Variants in BSN observed in about 807,000 individuals in gnomAD.
BSN encodes bassoon presynaptic cytomatrix protein.
BSN carries 57 observed loss-of-function variants against 264.8 expected under a neutral mutation model. The ratio of observed to expected loss-of-function variants is 0.22; its 90% CI spans 0.17 to 0.27. The LOEUF is 0.27. BSN is among the 10% of genes least tolerant of loss of function. The probability of loss-of-function intolerance (pLI) is 1.00; values close to 1 mark genes in which losing one functional copy is unlikely to be tolerated. For synonymous variants in BSN, 2,059 were observed against 2,137.3 expected (o/e 0.96, Z 1.01); for missense variants, 4,615 against 5,232.5 (o/e 0.88, Z 3.64).
At position 49,662,331 on chromosome 3, in the gene BSN, C is replaced by A. The variant is rs1159995514; in HGVS notation, c.10486C>A (p.Pro3496Thr). 1.4e-5 allele frequency: 22 copies of A among 1,613,524 alleles called. No individual in the cohort carries two copies. Among genetic ancestry groups the A allele is most frequent in the Non-Finnish European group, 1.8e-5 (21 of 1,179,822 alleles). Residue 3496 changes from proline to threonine, a missense_variant, in exon 6 of 12, where the codon CCC becomes ACC. By Grantham distance (38) the Pro-to-Thr change is conservative. Around this residue, in one of 3 missense-constraint regions of BSN, gnomAD observed 3,415 missense variants for 3,866.4 expected, o/e 0.88. Coordinates refer to ENST00000296452, the MANE Select transcript of BSN (RefSeq NM_003458.4). ...LSMAHSRVRPPMRSQASEEES... is the reference protein window; with the variant it reads ...LSMAHSRVRPTMRSQASEEES... ...TATGGCCCACAGCCGGGTACGACCC[C>A]CCATGCGGAGCCAGGCCTCTGAAGA...
At chr3:49,595,402 T>C (rs2052014868) in intron 1 of BSN, among the ~76,000 whole-genome samples, 1 of 150,314 alleles carries the variant, frequency 6.7e-6, no homozygotes, top group African/African-American at 2.5e-5. Flanking sequence ...ATGTTGAGGC[T>C]GGTCTTGAAC....
chr3:49,657,355 G>T lies in BSN; in HGVS notation c.7799G>T (p.Arg2600Leu). The T allele has an allele frequency of 6.2e-7, 1 of 1,613,318 alleles. No homozygotes were observed. Among genetic ancestry groups the T allele is most frequent in the Admixed American group, 1.7e-5 (1 of 60,028 alleles). The change falls in exon 5 of 12, where the codon CGG (arginine) becomes CTG (leucine). Residue 2600 changes from arginine to leucine, a missense_variant. By Grantham distance (102) the Arg-to-Leu change is moderately radical. Transcript: ENST00000296452. ...EDGESRYLLS[R>L]RRRARRSADC... The stretch of plus-strand genomic sequence containing the variant: ...GGGGAGAGCCGCTACCTCTTGAGTC[G>T]GCGACGCCGGGCACGGCGGAGTGCT...
In BSN at chr3:49,656,589, G is replaced by T. The variant is rs375950147; in HGVS notation, c.7033G>T (p.Gly2345Cys). 1.3e-6 allele frequency: 2 copies of T among 1,596,380 alleles called. No individual in the cohort carries two copies. Among genetic ancestry groups the T allele is most frequent in the African/African-American group, 2.7e-5 (2 of 74,404 alleles). ...ACCAGCAGATGCTGCTCCTGGGGGT[G>T]GCAGTGGGGCCCTCAGCCGGCCAGG... is the stretch of plus-strand genomic sequence containing the variant. The part of the protein sequence containing the change: ...KPPADAAPGG[G>C]SGALSRPGFE... Residue 2345 changes from glycine (G) to cysteine (C), a missense_variant, in exon 5 of 12, where the codon GGC becomes TGC. Transcript: ENST00000296452.
At chr3:49,630,817 G>A (rs1445354796) in intron 2 of BSN, among the ~76,000 whole-genome samples, 1 of 152,204 alleles carries the variant, frequency 6.6e-6, no homozygotes, top group East Asian at 1.9e-4. Flanking sequence ...AGAAGTGGAA[G>A]AAGGCACAAG....
At chr3:49,672,781 C>CTTTT (rs757536435), downstream of BSN, among the ~76,000 whole-genome samples, 1 of 106,984 alleles carries the variant, frequency 9.3e-6, no homozygotes, top group African/African-American at 3.5e-5. Flanking sequence ...GCGCCTGGCA[C>CTTTT]TTTTTTTTTT....
rs756063489 is a variant in BSN, at chr3:49,657,533, G to A, written c.7977G>A (p.Arg2659=). The change falls in exon 5 of 12, where the codon AGG becomes AGA. Residue 2659 remains arginine (R), a synonymous_variant. Transcript: ENST00000296452. ...ASSSSAAATV[R]AMSSVGIQTI... Reference sequence around the variant, plus strand: ...CATCCAGTGCTGCTGCCACTGTGAGGGCCATGAGCAGCGTGGGCATCCAGA... The same window carrying A: ...CATCCAGTGCTGCTGCCACTGTGAGAGCCATGAGCAGCGTGGGCATCCAGA... 8 of 1,613,114 alleles carry A rather than the reference G, an allele frequency of 5.0e-6. No homozygotes were observed. The highest frequency in any genetic ancestry group is 1.1e-5 in the South Asian group (1 of 91,090).
intron 1 of BSN, among the ~76,000 whole-genome samples, chr3:49,620,649 C>T (rs1400375579): frequency 6.6e-6 from 1 of 151,998 alleles, no homozygotes; most frequent in Non-Finnish European, 1.5e-5. Flanking sequence ...GAAGCCAGTG[C>T]AAGGCTTAAG....
At position 49,655,195 on chromosome 3, in the gene BSN, C is replaced by T; in HGVS notation, c.5639C>T (p.Pro1880Leu). 3 of 1,612,976 alleles carry T rather than the reference C, an allele frequency of 1.9e-6. No homozygotes were observed. The highest frequency in any genetic ancestry group is 2.5e-6 in the Non-Finnish European group (3 of 1,179,898). Reference protein sequence around the residue: ...GTAGTVTTLLPEEPAGALDLT... With the variant: ...GTAGTVTTLLLEEPAGALDLT... ...GCAGGCACTGTGACCACACTGCTCC[C>T]AGAGGAGCCTGCGGGTGCCCTGGAC... The change falls in exon 5 of 12, where the codon CCA becomes CTA. Residue 1880 changes from proline (P) to leucine (L), a missense_variant. Around this residue, in one of 3 missense-constraint regions of BSN, gnomAD observed 3,415 missense variants for 3,866.4 expected, o/e 0.88. Transcript: ENST00000296452.
chr3:49,588,143 A>T (rs896932854), intron 1 of BSN, among the ~76,000 whole-genome samples: 2 of 151,870 alleles, frequency 1.3e-5, no homozygotes, highest in African/African-American at 4.8e-5. Flanking sequence ...GCTGGTCTCA[A>T]ACTCCTGACC....
Position 49,651,855 on chromosome 3 carries a change from A to T in BSN, c.2299A>T (p.Thr767Ser). The change falls in exon 5 of 12, where the codon ACG becomes TCG. Residue 767 changes from threonine (T) to serine (S), a missense_variant. Around this residue, in one of 3 missense-constraint regions of BSN, gnomAD observed 1,197 missense variants for 1,348.0 expected, o/e 0.89. Transcript: ENST00000296452. The surrounding 1 kb of genome is among the most constrained non-coding windows in gnomAD (Gnocchi z 5.4). The stretch of plus-strand genomic sequence containing the variant: ...GCAGCGGCCCCACTCCTTGTCCATC[A>T]CGCCTGAGGCCTTTGACTCTGATGA... ...QKQRPHSLSI[T>S]PEAFDSDEEL... 1 of 1,613,958 alleles carries T rather than the reference A, an allele frequency of 6.2e-7. No individual in the cohort carries two copies. Among genetic ancestry groups the T allele is most frequent in the African/African-American group, 1.3e-5 (1 of 75,060 alleles).
intron 1 of BSN, among the ~76,000 whole-genome samples, chr3:49,624,108 C>T (rs1179598914): frequency 6.6e-6 from 1 of 151,918 alleles, no homozygotes; most frequent in Non-Finnish European, 1.5e-5. Flanking sequence ...TCACGCCATT[C>T]TTCTGCCTCA....
At chr3:49,602,646 A>G (rs2052081063) in intron 1 of BSN, among the ~76,000 whole-genome samples, 1 of 151,964 alleles carries the variant, frequency 6.6e-6, no homozygotes, top group African/African-American at 2.4e-5. Context: ...GGGTTTCACC[A>G]TGTTGGCCAG....
chr3:49,628,618 C>T (rs1348810108), intron 2 of BSN, among the ~76,000 whole-genome samples: 2 of 152,272 alleles, frequency 1.3e-5, no homozygotes, highest in Non-Finnish European at 2.9e-5. Flanking sequence ...AGGAGGCCTG[C>T]CCATGTAGTT....
rs757712538 is a variant in BSN at position 49,656,427 on chromosome 3, C to G, written c.6871C>G (p.Pro2291Ala). ...YLGKPAAAKAPGAGGPSRPEM... is the reference protein window; with the variant it reads ...YLGKPAAAKAAGAGGPSRPEM... The stretch of plus-strand genomic sequence containing the variant: ...GGGGAAACCTGCTGCTGCCAAGGCC[C>G]CTGGGGCTGGGGGCCCTTCAAGGCC... Residue 2291 changes from proline (P) to alanine (A), a missense_variant, in exon 5 of 12, where the codon CCT (proline) becomes GCT (alanine). By Grantham distance (27) the Pro-to-Ala change is conservative. Coordinates refer to ENST00000296452, the MANE Select transcript of BSN (RefSeq NM_003458.4). The G allele has an allele frequency of 6.9e-6, 11 of 1,590,306 alleles. No individual in the cohort carries two copies. The highest frequency in any genetic ancestry group is 8.6e-6 in the Non-Finnish European group (10 of 1,167,740).
At chr3:49,632,469 C>CAACT (rs1436288925) in intron 2 of BSN, among the ~76,000 whole-genome samples, 2 of 152,252 alleles carry the variant, frequency 1.3e-5, no homozygotes, top group South Asian at 4.1e-4. Context: ...AGAAGTCTTA[C>CAACT]AACTCAACAA....
chr3:49,669,457 C>G lies in BSN; in HGVS notation c.*1972C>G, dbSNP rs2052739967. 1 of 152,744 alleles carries G rather than the reference C, an allele frequency of 6.5e-6. No homozygotes were observed. The highest frequency in any genetic ancestry group is 1.5e-5 in the Non-Finnish European group (1 of 68,118). 9.5% of individuals were successfully genotyped at this position (152,744 alleles called of 1,614,324 possible). A position where few individuals can be genotyped will look rare whatever the true frequency, so the allele number is the denominator to read the frequency against. ...ACCCTGAGCCAGAGGCATCTGACAG[C>G]CCTTTCCCAGAGGGCACCACGCAAG... is the stretch of plus-strand genomic sequence containing the variant. On this transcript the variant is annotated 3_prime_UTR_variant, in exon 12 of 12. Coordinates refer to ENST00000296452, the MANE Select transcript of BSN (RefSeq NM_003458.4).
chr3:49,583,753 G>A lies in BSN; in HGVS notation c.224+28927G>A, dbSNP rs145580322. ...TATTTATGTGTTATAGGTCTATTCC[G>A]ATTTTTCATTTCTTCCTGAGTCAGT... On this transcript the variant is annotated intron_variant, in intron 1 of 11. Coordinates refer to ENST00000296452, the MANE Select transcript of BSN (RefSeq NM_003458.4). 9.3e-3 allele frequency among the ~76,000 whole-genome samples: 1,422 copies of A among 152,152 alleles called. 28 individuals are homozygous for A. The highest frequency in any genetic ancestry group is 0.031 in the African/African-American group (1,296 of 41,510).
chr3:49,662,097 G>A lies in BSN; in HGVS notation c.10252G>A (p.Glu3418Lys). Residue 3418 changes from glutamate (E) to lysine (K), a missense_variant, in exon 6 of 12, where the codon GAG becomes AAG. Around this residue, in one of 3 missense-constraint regions of BSN, gnomAD observed 3,415 missense variants for 3,866.4 expected, o/e 0.88. Transcript: ENST00000296452. Reference protein sequence around the residue: ...ITYGLKKNVYEQQKYYGMSSR... With the variant: ...ITYGLKKNVYKQQKYYGMSSR... ...CTATGGGCTCAAGAAGAACGTGTAT[G>A]AGCAGCAAAAATACTATGGGATGTC... 6.2e-7 allele frequency: 1 copy of A among 1,613,536 alleles called. No individual in the cohort carries two copies. The highest frequency in any genetic ancestry group is 8.5e-7 in the Non-Finnish European group (1 of 1,180,046).
chr3:49,564,629 T>C lies in BSN; in HGVS notation c.224+9803T>C, dbSNP rs371562009. On this transcript the variant is annotated intron_variant, in intron 1 of 11. Coordinates refer to ENST00000296452, the MANE Select transcript of BSN (RefSeq NM_003458.4). Reference sequence around the variant, plus strand: ...TGCTCAAGGCCAAGGCCTTGCCAGCTCAGGTTTGGAGTGATGATGGCTGAG... The same window carrying C: ...TGCTCAAGGCCAAGGCCTTGCCAGCCCAGGTTTGGAGTGATGATGGCTGAG... 1.1e-4 allele frequency among the ~76,000 whole-genome samples: 17 copies of C among 152,282 alleles called. No homozygotes were observed. The East Asian group carries it at 2.3e-3, about 21-fold the overall frequency.
Sources: allele counts gnomAD v4.1 joint callset (sites outside exome capture counted in the v4.1 genomes callset), GRCh38; gene constraint gnomAD v4.1.1; regional missense constraint gnomAD v4.1.1; non-coding constraint Gnocchi (gnomAD v3.1); transcripts MANE v1.5; gene names NCBI Gene and HGNC (gene_info 2026-07-23, HGNC 2026-07-21).